CPQ: variants seen among roughly 807,000 people sequenced by gnomAD.
CPQ encodes the protein carboxypeptidase Q.
CPQ carries 37 observed loss-of-function variants against 45.7 expected under a neutral mutation model. The observed-to-expected ratio is 0.81, with a 90% confidence interval of 0.62 to 1.07. The LOEUF is 1.07. Ranked by LOEUF, CPQ falls within the 50% of genes least tolerant of loss-of-function variation. The probability of loss-of-function intolerance (pLI) is 0.00; values close to 1 mark genes in which losing one functional copy is unlikely to be tolerated. For missense variants in CPQ, 537 were observed against 572.9 expected, an observed-to-expected ratio of 0.94 and a Z score of 0.64; for synonymous variants, 186 against 205.8, an observed-to-expected ratio of 0.90 and a Z score of 0.82.
intron 1 of CPQ, among the ~76,000 whole-genome samples, chr8:96,715,162 C>A (rs1433111383): frequency 6.6e-6 from 1 of 152,064 alleles, no homozygotes; most frequent in African/African-American, 2.4e-5. Flanking sequence ...ACCAGTGTGG[C>A]CAAAGCAGGT....
intron 4 of CPQ, among the ~76,000 whole-genome samples, chr8:96,960,600 G>A (rs1274959734): frequency 6.6e-6 from 1 of 152,154 alleles, no homozygotes; most frequent in East Asian, 1.9e-4. Flanking sequence ...CACTATCAGT[G>A]TCTTTGAAGG....
At chr8:96,651,005 T>C (rs1461025239) in intron 1 of CPQ, among the ~76,000 whole-genome samples, 1 of 152,254 alleles carries the variant, frequency 6.6e-6, no homozygotes, top group Non-Finnish European at 1.5e-5. Flanking sequence ...AAGATACATC[T>C]CTAGTAGCCT....
rs563284576 is a variant in CPQ, at chr8:97,033,435, G to C, written c.1053+3941G>C. Among the ~76,000 whole-genome samples the C allele has an allele frequency of 5.3e-5, 8 of 152,240 alleles. No homozygotes were observed. In the South Asian group the frequency reaches 1.7e-3, roughly 32 times the overall value. ...AACTATCTGGGTCTTTACAGAAAAA[G>C]CTTACCTACTTCTGGTCTATAATGA... On this transcript the variant is annotated intron_variant, in intron 6 of 7. Coordinates refer to ENST00000220763, the MANE Select transcript of CPQ (RefSeq NM_016134.4).
intron 5 of CPQ, among the ~76,000 whole-genome samples, chr8:96,984,736 G>T (rs1416700012): frequency 6.6e-6 from 1 of 152,176 alleles, no homozygotes; most frequent in African/African-American, 2.4e-5. Context: ...TTAGATGTGT[G>T]ATGCCTAGTT....
intron 4 of CPQ, among the ~76,000 whole-genome samples, chr8:96,904,055 C>G (rs1812545982): frequency 6.6e-6 from 1 of 152,122 alleles, no homozygotes; most frequent in African/African-American, 2.4e-5. Context: ...AATCAATTCC[C>G]TAAGTCTGCC....
chr8:97,106,961 T>C (rs1348404862), intron 7 of CPQ, among the ~76,000 whole-genome samples: 1 of 152,028 alleles, frequency 6.6e-6, no homozygotes, highest in Non-Finnish European at 1.5e-5. Context: ...AGAAAACAAA[T>C]CATTGGATTT....
intron 4 of CPQ, among the ~76,000 whole-genome samples, chr8:96,952,139 A>G (rs1392533971): frequency 1.3e-5 from 2 of 152,160 alleles, no homozygotes; most frequent in Non-Finnish European, 2.9e-5. Flanking sequence ...AAACTGGCAG[A>G]TTAATTTTTA....
rs527455427 is a variant in CPQ at position 96,887,267 on chromosome 8, G to A, written c.849+7262G>A. On this transcript the variant is annotated intron_variant, in intron 4 of 7. Coordinates refer to ENST00000220763, the MANE Select transcript of CPQ (RefSeq NM_016134.4). ...TCACAGCTATTGTAAAAATAGTGCG[G>A]AAAGTTCAAATGTATGCTTTGACCA... Among the ~76,000 whole-genome samples the A allele has an allele frequency of 2.0e-4, 31 of 152,260 alleles. 1 individual carries two copies. The East Asian group carries it at 6.0e-3, about 29-fold the overall frequency.
At chr8:96,988,681 C>T (rs1193822356) in intron 5 of CPQ, among the ~76,000 whole-genome samples, 1 of 152,110 alleles carries the variant, frequency 6.6e-6, no homozygotes, top group Non-Finnish European at 1.5e-5. Context: ...AGACTTCGGT[C>T]GTTCTGCTTC....
intron 5 of CPQ, among the ~76,000 whole-genome samples, chr8:96,976,157 T>C: frequency 7.0e-6 from 1 of 141,978 alleles, no homozygotes; most frequent in Admixed American, 7.6e-5. Context: ...GATACAAAAT[T>C]AATGTACACA....
intron 1 of CPQ, among the ~76,000 whole-genome samples, chr8:96,709,942 G>A (rs1317334368): frequency 6.6e-6 from 1 of 152,110 alleles, no homozygotes; most frequent in African/African-American, 2.4e-5. Context: ...TTTTGGAATA[G>A]TTTCAGTAGA....
chr8:96,895,646 G>A (rs1812433371), intron 4 of CPQ, among the ~76,000 whole-genome samples: 1 of 152,124 alleles, frequency 6.6e-6, no homozygotes, highest in African/African-American at 2.4e-5. Context: ...CTTAGGAAGA[G>A]GTTAACATGG....
At chr8:96,883,451 T>C (rs907209636) in intron 4 of CPQ, among the ~76,000 whole-genome samples, 1 of 151,986 alleles carries the variant, frequency 6.6e-6, no homozygotes, top group Non-Finnish European at 1.5e-5. Context: ...ATTCCAAGAG[T>C]TGATCATAAA....
chr8:96,915,191 T>G (rs1812716022), intron 4 of CPQ, among the ~76,000 whole-genome samples: 1 of 152,160 alleles, frequency 6.6e-6, no homozygotes, highest in African/African-American at 2.4e-5. Flanking sequence ...GTCCTGCTAC[T>G]TCAGGGGCCT....
chr8:97,090,489 C>G (rs1811109011), intron 7 of CPQ, among the ~76,000 whole-genome samples: 1 of 152,192 alleles, frequency 6.6e-6, no homozygotes. Flanking sequence ...TAACTTTCTA[C>G]TTTACCTTTA....
chr8:96,696,238 C>A (rs1162443849), intron 1 of CPQ, among the ~76,000 whole-genome samples: 3 of 147,006 alleles, frequency 2.0e-5, no homozygotes, highest in Admixed American at 6.9e-5. Context: ...GGGAATTGAA[C>A]AATGAGAACA....
chr8:96,737,353 G>GATATATATATATATATATATAT (rs1277946599), intron 1 of CPQ, among the ~76,000 whole-genome samples: 14 of 43,386 alleles, frequency 3.2e-4, no homozygotes, highest in African/African-American at 9.3e-4. Flanking sequence ...GAACTAATAG[G>GATATATATATATATATATATAT]AGATATATAT....
intron 7 of CPQ, among the ~76,000 whole-genome samples, chr8:97,072,496 T>A (rs775670065): frequency 1.3e-5 from 2 of 151,900 alleles, no homozygotes; most frequent in African/African-American, 4.8e-5. Context: ...AACGGTAATT[T>A]AAAAAAAAGA....
At chr8:96,834,883 C>A in intron 2 of CPQ, 90 bp from the exon 3 acceptor site, 1 of 1,087,104 alleles carries the variant, frequency 9.2e-7, no homozygotes, top group Non-Finnish European at 1.3e-6. Flanking sequence ...CCAGATGTAG[C>A]AGAAAGAGCA....
Sources: allele counts gnomAD v4.1 joint callset (sites outside exome capture counted in the v4.1 genomes callset), GRCh38; gene constraint gnomAD v4.1.1; transcripts MANE v1.5; gene names NCBI Gene and HGNC (gene_info 2026-07-23, HGNC 2026-07-21).